Variants in MYO9B observed in about 807,000 individuals in gnomAD.
The protein encoded by MYO9B is unconventional myosin-IXb.
A neutral mutation model predicts 229.5 loss-of-function variants in MYO9B; 71 were observed. That is an observed-to-expected ratio of 0.31 (90% CI 0.26 to 0.38). The LOEUF (loss-of-function observed/expected upper bound fraction) is 0.38. Ranked by LOEUF, MYO9B falls within the 10% of genes least tolerant of loss-of-function variation. MYO9B has a pLI of 1.00. For missense variants in MYO9B, 2,255 were observed against 2,920.5 expected (o/e 0.77, Z 5.25); for synonymous variants, 1,185 against 1,235.8 (o/e 0.96, Z 0.86).
chr19:17,209,479 T>A, intron 35 of MYO9B, 107 bp from the exon 36 acceptor site: 1 of 1,256,260 alleles, frequency 8.0e-7, no homozygotes, highest in Non-Finnish European at 1.1e-6. Context: ...CTGCTTGGTC[T>A]CTGAGCCTCA....
chr19:17,081,275 G>T (rs940405087), intron 1 of MYO9B, among the ~76,000 whole-genome samples: 1 of 152,200 alleles, frequency 6.6e-6, no homozygotes, highest in South Asian at 2.1e-4. Context: ...TGATCAGCCC[G>T]CTCGGACTCC....
At chr19:17,199,026 T>C (rs995338694) in intron 24 of MYO9B, among the ~76,000 whole-genome samples, 1 of 151,754 alleles carries the variant, frequency 6.6e-6, no homozygotes, top group Non-Finnish European at 1.5e-5. Flanking sequence ...CGTGGCAAAA[T>C]CTTGTCTCTG....
chr19:17,088,412 G>A (rs980334790), intron 1 of MYO9B, among the ~76,000 whole-genome samples: 5 of 152,174 alleles, frequency 3.3e-5, no homozygotes, highest in Non-Finnish European at 5.9e-5. Flanking sequence ...TGAGTTTTGG[G>A]GAGCACGAAT....
At position 17,188,000 on chromosome 19, in the gene MYO9B, C is replaced by G. The variant is rs375006911; in HGVS notation, c.2643C>G (p.Thr881=). 20 of 1,601,392 alleles carry G rather than the reference C, an allele frequency of 1.2e-5. No individual in the cohort carries two copies. In the African/African-American group the frequency reaches 1.7e-4, roughly 14 times the overall value. Residue 881 remains threonine (T), a synonymous_variant, in exon 19 of 40, where the codon ACC becomes ACG. Coordinates refer to ENST00000682292, the MANE Select transcript of MYO9B (RefSeq NM_004145.4). ...QQLRYTGMLE[T]VRIRRSGYSA... ...TGCGCTACACCGGCATGCTGGAGAC[C>G]GTGCGCATCCGGAGGTCAGGGTACA...
Position 17,172,881 on chromosome 19 carries a change from C to T in MYO9B, c.2058C>T (p.Ala686=), listed in dbSNP as rs766294503. The T allele has an allele frequency of 1.4e-5, 23 of 1,605,212 alleles. No homozygotes were observed. Among genetic ancestry groups the T allele is most frequent in the Middle Eastern group, 1.6e-4 (1 of 6,084 alleles). Residue 686 remains alanine, a synonymous_variant, in exon 13 of 40, where the codon GCC becomes GCT. Coordinates refer to ENST00000682292, the MANE Select transcript of MYO9B (RefSeq NM_004145.4). The surrounding 1 kb of genome is among the most constrained non-coding windows in gnomAD (Gnocchi z 8.2). ...GMDPVAVFRW[A]VLRAAIRAMA... ...ACCCCGTGGCCGTGTTCCGCTGGGC[C>T]GTGCTCCGGGCTGCTATCCGGGCCA...
At chr19:17,211,322 AT>A (rs1292813278) in intron 38 of MYO9B, among the ~76,000 whole-genome samples, 2 of 151,964 alleles carry the variant, frequency 1.3e-5, no homozygotes, top group African/African-American at 4.8e-5. Context: ...CCCAGGCTGG[AT>A]TGCAGTGGTG....
chr19:17,137,084 C>A (rs1229014884), intron 2 of MYO9B, among the ~76,000 whole-genome samples: 1 of 151,992 alleles, frequency 6.6e-6, no homozygotes, highest in Admixed American at 6.6e-5. Flanking sequence ...ACAAAATTAG[C>A]CGGGGTGATG....
intron 2 of MYO9B, among the ~76,000 whole-genome samples, chr19:17,105,927 A>G (rs887357633): frequency 6.6e-6 from 1 of 151,864 alleles, no homozygotes; most frequent in African/African-American, 2.4e-5. Context: ...CTGCTGAGCA[A>G]TTTCACCATA....
chr19:17,206,173 G>T (rs1346759146), intron 32 of MYO9B, 21 bp downstream of exon 32: 1 of 1,609,018 alleles, frequency 6.2e-7, no homozygotes, highest in African/African-American at 1.3e-5. Flanking sequence ...TGGGCAGGTG[G>T]GTGCAGTGCC....
chr19:17,209,875 G>C (rs1247181893), intron 36 of MYO9B, among the ~76,000 whole-genome samples, 166 bp downstream of exon 36: 1 of 152,140 alleles, frequency 6.6e-6, no homozygotes, highest in Non-Finnish European at 1.5e-5. Flanking sequence ...GGACCGGGTA[G>C]TGGGTGTGGT....
rs56189584 is a variant in MYO9B at position 17,162,319 on chromosome 19, C to T, written c.1420-31C>T. 6,320 of 1,522,750 alleles carry T rather than the reference C, an allele frequency of 4.2e-3. 28 individuals are homozygous for T. Among genetic ancestry groups the T allele is most frequent in the Non-Finnish European group, 4.5e-3 (5,062 of 1,125,576 alleles). The allele number at this position is 1,522,750 out of a possible 1,614,324, so 94.3% of individuals were successfully genotyped here. On this transcript the variant is annotated intron_variant, in intron 8 of 39. Coordinates refer to ENST00000682292, the MANE Select transcript of MYO9B (RefSeq NM_004145.4). The stretch of plus-strand genomic sequence containing the variant: ...GACTCCAGCGCAGGGCCTGCCGTGC[C>T]GGAGGTGAGTCACCCCCTCTGTGTC...
At position 17,196,863 on chromosome 19, in the gene MYO9B, G is replaced by A. The variant is rs187367518; in HGVS notation, c.4047-929G>A. ...GGACAGACAGAAGGATGGGTGGATG[G>A]CTGGAAGATAGAGATGGAGAGATGG... On this transcript the variant is annotated intron_variant, in intron 22 of 39. Coordinates refer to ENST00000682292, the MANE Select transcript of MYO9B (RefSeq NM_004145.4). Among the ~76,000 whole-genome samples the A allele has an allele frequency of 2.6e-4, 39 of 152,038 alleles. No homozygotes were observed. In the Middle Eastern group the frequency reaches 0.014, roughly 53 times the overall value.
chr19:17,165,291 G>T (rs1254902094), intron 10 of MYO9B, among the ~76,000 whole-genome samples: 1 of 151,646 alleles, frequency 6.6e-6, no homozygotes, highest in African/African-American at 2.4e-5. Flanking sequence ...AGCCCAAGAG[G>T]TCGAGGCTGC....
intron 3 of MYO9B, among the ~76,000 whole-genome samples, chr19:17,149,752 G>A (rs1388821931): frequency 6.6e-6 from 1 of 152,208 alleles, no homozygotes; most frequent in Non-Finnish European, 1.5e-5. Flanking sequence ...CTTCCTGTGT[G>A]TTCAAGGACT....
intron 2 of MYO9B, among the ~76,000 whole-genome samples, chr19:17,120,807 T>C (rs909400147): frequency 2.6e-5 from 4 of 152,070 alleles, no homozygotes; most frequent in Non-Finnish European, 5.9e-5. Context: ...GAGAGATATA[T>C]AACAGCAGAT....
chr19:17,184,748 G>A, intron 16 of MYO9B, 117 bp from the exon 17 acceptor site: 1 of 1,377,160 alleles, frequency 7.3e-7, no homozygotes, highest in South Asian at 1.3e-5. Flanking sequence ...AAGAGCTGCT[G>A]CCCGGGCACT....
At chr19:17,109,661 A>T (rs1207992660) in intron 2 of MYO9B, among the ~76,000 whole-genome samples, 1 of 152,040 alleles carries the variant, frequency 6.6e-6, no homozygotes, top group Admixed American at 6.5e-5. Flanking sequence ...CTGAGGGAGA[A>T]TCTGTCCCAG....
At chr19:17,205,164 A>AAAAT in intron 30 of MYO9B, 99 bp from the exon 31 acceptor site, 12 of 748,888 alleles carry the variant, frequency 1.6e-5, no homozygotes, top group Non-Finnish European at 2.6e-5. Flanking sequence ...AAAAAAAAAA[A>AAAAT]AAGAAGGCAA....
At chr19:17,092,822 CTA>C (rs143800443) in intron 1 of MYO9B, among the ~76,000 whole-genome samples, 5,400 of 151,212 alleles carry the variant, frequency 0.036, 179 homozygotes, top group African/African-American at 0.086. Flanking sequence ...AAGCATATGA[CTA>C]TGTGTACAAG....
Sources: gnomAD v4.1 joint callset for allele counts (sites outside exome capture counted in the v4.1 genomes callset) on GRCh38, gnomAD v4.1.1 for gene constraint, Gnocchi (gnomAD v3.1) non-coding constraint, MANE v1.5 for transcripts, NCBI Gene and HGNC (gene_info 2026-07-23, HGNC 2026-07-21) for gene names.